ROBO2: variants seen among roughly 807,000 people sequenced by gnomAD.
The protein encoded by ROBO2 is roundabout guidance receptor 2.
In ROBO2, 53 loss-of-function variants were observed where a neutral mutation model predicts 160.8. The ratio of observed to expected loss-of-function variants is 0.33; its 90% CI spans 0.26 to 0.41. ROBO2 has a LOEUF of 0.41. Ranked by LOEUF, ROBO2 falls within the 10% of genes least tolerant of loss-of-function variation. ROBO2 has a pLI of 1.00. For synonymous variants in ROBO2, 664 were observed against 611.7 expected (o/e 1.09, Z -1.26); for missense variants, 1,577 against 1,722.4 (o/e 0.92, Z 1.49).
At chr3:77,270,418 T>C (rs2059412414) in intron 2 of ROBO2, among the ~76,000 whole-genome samples, 1 of 152,196 alleles carries the variant, frequency 6.6e-6, no homozygotes, top group African/African-American at 2.4e-5. Flanking sequence ...TGGTATTACA[T>C]TGAGTTATCA....
intron 2 of ROBO2, among the ~76,000 whole-genome samples, chr3:76,038,216 T>A (rs1047953476): frequency 1.3e-5 from 2 of 152,010 alleles, no homozygotes; most frequent in African/African-American, 4.8e-5. Flanking sequence ...AGAAGAAATA[T>A]CTGGTACAGA....
chr3:76,725,806 T>C (rs1327848410), intron 2 of ROBO2, among the ~76,000 whole-genome samples: 1 of 152,172 alleles, frequency 6.6e-6, no homozygotes. Flanking sequence ...TCTTTAACTG[T>C]TTATTTCCCC....
chr3:77,256,707 G>A (rs1331958592), intron 2 of ROBO2, among the ~76,000 whole-genome samples: 1 of 152,148 alleles, frequency 6.6e-6, no homozygotes, highest in Admixed American at 6.5e-5. Context: ...ATTCCCAAGA[G>A]AGGCTTCTGC....
At chr3:77,200,269 A>T (rs4684015) in intron 2 of ROBO2, among the ~76,000 whole-genome samples, 10,196 of 24,530 alleles carry the variant, frequency 0.42, 900 homozygotes, top group Middle Eastern at 0.5. Flanking sequence ...AACATATTTT[A>T]TATATATATA....
At chr3:76,332,811 A>C (rs1439812802) in intron 2 of ROBO2, among the ~76,000 whole-genome samples, 1 of 152,244 alleles carries the variant, frequency 6.6e-6, no homozygotes, top group African/African-American at 2.4e-5. Context: ...TAACACAATA[A>C]AACTTTACAC....
intron 1 of ROBO2, among the ~76,000 whole-genome samples, chr3:75,933,721 C>T (rs572434660): frequency 1.3e-5 from 2 of 150,450 alleles, no homozygotes; most frequent in East Asian, 3.9e-4. Flanking sequence ...AGAATAAAAC[C>T]ATCTAGAAGA....
At chr3:76,550,528 G>A (rs1168752685) in intron 2 of ROBO2, among the ~76,000 whole-genome samples, 3 of 152,262 alleles carry the variant, frequency 2.0e-5, no homozygotes, top group Admixed American at 6.5e-5. Context: ...GAGGGCCCAG[G>A]AAGGAGCAGG....
chr3:77,288,276 G>T (rs184887680), intron 2 of ROBO2, among the ~76,000 whole-genome samples: 5 of 152,178 alleles, frequency 3.3e-5, no homozygotes, highest in African/African-American at 1.2e-4. Flanking sequence ...GGGTAGGAGA[G>T]AATAGAGGTA....
At chr3:77,377,655 G>A (rs2072874397) in intron 2 of ROBO2, among the ~76,000 whole-genome samples, 1 of 152,168 alleles carries the variant, frequency 6.6e-6, no homozygotes, top group Non-Finnish European at 1.5e-5. Context: ...TCCTTGGCAG[G>A]ACTGACTGTC....
At chr3:76,419,611 G>C (rs1002373450) in intron 2 of ROBO2, among the ~76,000 whole-genome samples, 1 of 152,016 alleles carries the variant, frequency 6.6e-6, no homozygotes, top group Non-Finnish European at 1.5e-5. Context: ...ATTACCCTGT[G>C]TTGCAGTGAT....
rs373785720 is a variant in ROBO2, at chr3:76,706,742, T to G, written c.110-391272T>G. 1.6e-3 allele frequency among the ~76,000 whole-genome samples: 244 copies of G among 152,240 alleles called. 1 individual carries two copies. Among genetic ancestry groups the G allele is most frequent in the African/African-American group, 5.2e-3 (215 of 41,556 alleles). ...AAATTACACCTAAATATTTGTTCTT[T>G]GTGTCCTTTTATTCTTTAATGATTT... On this transcript the variant is annotated intron_variant, in intron 2 of 26. Coordinates refer to the ROBO2 transcript ENST00000487694.
chr3:75,987,596 C>A (rs2065450030), intron 2 of ROBO2, among the ~76,000 whole-genome samples: 1 of 151,872 alleles, frequency 6.6e-6, no homozygotes, highest in Non-Finnish European at 1.5e-5. Flanking sequence ...TTGTTGAATA[C>A]AAGTAGCAAT....
chr3:76,113,214 T>C (rs2108247941), intron 2 of ROBO2, among the ~76,000 whole-genome samples: 1 of 152,216 alleles, frequency 6.6e-6, no homozygotes, highest in East Asian at 1.9e-4. Flanking sequence ...ATCTAAAAAA[T>C]GGATGTGAGG....
In ROBO2 at chr3:76,271,001, C is replaced by T. The variant is rs149185989; in HGVS notation, c.109+333399C>T. On this transcript the variant is annotated intron_variant, in intron 2 of 26. Transcript: ENST00000487694. ...GATGTACTTTGAAACACTTGGTAAA[C>T]TTTATACCTATACAAAGTGTTACAA... Among the ~76,000 whole-genome samples the T allele has an allele frequency of 1.1e-3, 171 of 152,166 alleles. 1 individual carries two copies. Among genetic ancestry groups the T allele is most frequent in the African/African-American group, 3.6e-3 (150 of 41,552 alleles).
At position 76,448,636 on chromosome 3, in the gene ROBO2, T is replaced by G. The variant is rs575237704; in HGVS notation, c.109+511034T>G. ...ATTTCATAGCCATTATAAAATGTATTCTTCAAATCCTTCCAAACATTTTTA... is the reference window on the plus strand; with the variant it reads ...ATTTCATAGCCATTATAAAATGTATGCTTCAAATCCTTCCAAACATTTTTA... On this transcript the variant is annotated intron_variant, in intron 2 of 26. Coordinates refer to the ROBO2 transcript ENST00000487694. Among the ~76,000 whole-genome samples the G allele has an allele frequency of 6.7e-4, 102 of 152,300 alleles. No homozygotes were observed. The Middle Eastern group carries it at 0.014, about 20-fold the overall frequency.
intron 2 of ROBO2, among the ~76,000 whole-genome samples, chr3:76,954,814 T>G (rs1286777941): frequency 6.6e-6 from 1 of 152,186 alleles, no homozygotes; most frequent in East Asian, 1.9e-4. Context: ...AACTTAGCCT[T>G]TGCAATAAAG....
intron 17 of ROBO2, among the ~76,000 whole-genome samples, chr3:77,593,915 A>C (rs536383898): frequency 6.6e-6 from 1 of 152,284 alleles, no homozygotes; most frequent in East Asian, 1.9e-4. Flanking sequence ...AAATCATAGT[A>C]AATATAATCA....
At chr3:76,644,324 T>TA (rs113697930) in intron 2 of ROBO2, among the ~76,000 whole-genome samples, 66,805 of 151,826 alleles carry the variant, frequency 0.44, 15,026 homozygotes, top group South Asian at 0.52. Context: ...GCATAAGGGG[T>TA]AAAAAAGCCT....
intron 2 of ROBO2, among the ~76,000 whole-genome samples, chr3:77,112,658 C>T (rs1197676543): frequency 1.3e-5 from 2 of 152,124 alleles, no homozygotes; most frequent in Non-Finnish European, 2.9e-5. Context: ...TACCCGGCAC[C>T]TCAAGAACTA....
Sources: allele counts gnomAD v4.1 joint callset (sites outside exome capture counted in the v4.1 genomes callset), GRCh38; gene constraint gnomAD v4.1.1; transcripts MANE v1.5; gene names NCBI Gene and HGNC (gene_info 2026-07-23, HGNC 2026-07-21).